The following C7orf78 variants were observed in gnomAD, a reference collection of about 807,000 sequenced individuals.
C7orf78 encodes the protein putative uncharacterized protein C7orf78.
At chr7:12,538,553 G>C in the C7orf78 span, 948 of 152,260 alleles carry the variant, frequency 6.2e-3, 10 homozygotes, top group Middle Eastern at 0.01. Flanking sequence ...ATTATTCTCT[G>C]TCCTAGACAG....
the C7orf78 span, among the ~76,000 whole-genome samples, chr7:12,514,900 C>G: frequency 2.0e-5 from 3 of 151,482 alleles, no homozygotes; most frequent in African/African-American, 7.3e-5. Context: ...ATATAGTATC[C>G]ATAGGTGATA....
the C7orf78 span, among the ~76,000 whole-genome samples, chr7:12,504,135 A>G: frequency 6.6e-6 from 1 of 152,206 alleles, no homozygotes; most frequent in Non-Finnish European, 1.5e-5. Context: ...ATATCACTTT[A>G]TAAAGCAGAT....
At chr7:12,497,284 G>C in the C7orf78 span, among the ~76,000 whole-genome samples, 2 of 152,174 alleles carry the variant, frequency 1.3e-5, no homozygotes, top group Non-Finnish European at 2.9e-5. Context: ...CGCAGAAGAC[G>C]GGTGATTTCT....
chr7:12,524,462 G>A, the C7orf78 span, among the ~76,000 whole-genome samples: 1 of 152,084 alleles, frequency 6.6e-6, no homozygotes. Flanking sequence ...GGGAGGTCAT[G>A]TAAATATTTC....
the C7orf78 span, among the ~76,000 whole-genome samples, chr7:12,512,666 C>T: frequency 6.6e-6 from 1 of 152,100 alleles, no homozygotes; most frequent in Non-Finnish European, 1.5e-5. Context: ...TTTCTTGTAT[C>T]CTTTCCTGGC....
chr7:12,497,949 GGGAGGCAC>G, the C7orf78 span, among the ~76,000 whole-genome samples: 1 of 150,268 alleles, frequency 6.7e-6, no homozygotes, highest in African/African-American at 2.4e-5. Context: ...CAGCCTAACT[GGGAGGCAC>G]CCTCCAGCAG....
the C7orf78 span, chr7:12,491,276 T>C: frequency 6.6e-6 from 1 of 152,192 alleles, no homozygotes; most frequent in Non-Finnish European, 1.5e-5. Context: ...GGTCTGCAGA[T>C]GGTGTTAATG....
At chr7:12,504,716 T>C in the C7orf78 span, among the ~76,000 whole-genome samples, 1 of 152,052 alleles carries the variant, frequency 6.6e-6, no homozygotes, top group African/African-American at 2.4e-5. Flanking sequence ...CATGATATAA[T>C]AAATAAATAA....
At chr7:12,522,934 T>G in the C7orf78 span, 1 of 398,036 alleles carries the variant, frequency 2.5e-6, no homozygotes, top group Admixed American at 4.4e-5. Flanking sequence ...ACCATTGCTA[T>G]AGTGACAAGC....
the C7orf78 span, among the ~76,000 whole-genome samples, chr7:12,520,205 T>G: frequency 0.11 from 16,957 of 152,258 alleles, 1,707 homozygotes; most frequent in African/African-American, 0.28. Context: ...ATATTTCTCT[T>G]TTGGACTCCG....
the C7orf78 span, among the ~76,000 whole-genome samples, chr7:12,513,175 C>A: frequency 6.6e-6 from 1 of 151,910 alleles, no homozygotes; most frequent in Non-Finnish European, 1.5e-5. Flanking sequence ...TAGTTCTGCT[C>A]TTACCTTTTT....
the C7orf78 span, among the ~76,000 whole-genome samples, chr7:12,490,373 G>A: frequency 2.3e-4 from 35 of 152,216 alleles, no homozygotes; most frequent in East Asian, 6.0e-3. Flanking sequence ...AGCCCAGGAC[G>A]ATGTCATCAT....
chr7:12,519,166 A>C, the C7orf78 span, among the ~76,000 whole-genome samples: 2 of 152,068 alleles, frequency 1.3e-5, no homozygotes, highest in East Asian at 3.9e-4. Flanking sequence ...CCCACAACCC[A>C]AACATGTAGC....
At chr7:12,526,084 G>C in the C7orf78 span, among the ~76,000 whole-genome samples, 1 of 151,948 alleles carries the variant, frequency 6.6e-6, no homozygotes, top group Non-Finnish European at 1.5e-5. Context: ...TACCACAACT[G>C]TTACTATATT....
At chr7:12,539,432 C>G in the C7orf78 span, among the ~76,000 whole-genome samples, 4 of 152,216 alleles carry the variant, frequency 2.6e-5, no homozygotes, top group South Asian at 2.1e-4. Flanking sequence ...CCACTGCACT[C>G]CAGCCTGGGT....
the C7orf78 span, among the ~76,000 whole-genome samples, chr7:12,524,490 A>G: frequency 2.0e-5 from 3 of 152,286 alleles, no homozygotes; most frequent in Middle Eastern, 3.4e-3. Context: ...AGTAAATAAC[A>G]TATGTTACCT....
At chr7:12,514,127 T>C in the C7orf78 span, among the ~76,000 whole-genome samples, 2 of 152,204 alleles carry the variant, frequency 1.3e-5, no homozygotes, top group Non-Finnish European at 2.9e-5. Context: ...ATGATCTGTC[T>C]AATGCTCAGA....
chr7:12,489,805 G>C, the C7orf78 span, among the ~76,000 whole-genome samples: 1 of 152,120 alleles, frequency 6.6e-6, no homozygotes, highest in Non-Finnish European at 1.5e-5. Context: ...GCTGCATTTT[G>C]GACAGCAGTG....
the C7orf78 span, among the ~76,000 whole-genome samples, chr7:12,520,933 T>C: frequency 1.3e-5 from 2 of 152,216 alleles, no homozygotes; most frequent in Non-Finnish European, 2.9e-5. Flanking sequence ...TTGTTATATC[T>C]TCTTCCTTAA....
Sources: allele counts gnomAD v4.1 joint callset (sites outside exome capture counted in the v4.1 genomes callset), GRCh38; gene constraint gnomAD v4.1.1; transcripts MANE v1.5; gene names NCBI Gene and HGNC (gene_info 2026-07-23, HGNC 2026-07-21).